ATG7: variants seen among roughly 807,000 people sequenced by gnomAD.
ATG7 encodes the protein autophagy related 7.
ATG7 carries 70 observed loss-of-function variants against 82.4 expected under a neutral mutation model. The ratio of observed to expected loss-of-function variants is 0.85; its 90% CI spans 0.70 to 1.04. The LOEUF (loss-of-function observed/expected upper bound fraction) is 1.04, where lower values mean the gene tolerates loss of function less well. ATG7 is among the 50% of genes least tolerant of loss of function. The pLI, the probability that ATG7 is intolerant of heterozygous loss-of-function variation, is 0.00. For synonymous variants in ATG7, 287 were observed against 313.0 expected (o/e 0.92, Z 0.88); for missense variants, 792 against 864.3 (o/e 0.92, Z 1.05).
intron 20 of ATG7, among the ~76,000 whole-genome samples, chr3:11,459,540 T>G (rs1020237482): frequency 3.3e-5 from 5 of 151,956 alleles, no homozygotes; most frequent in Admixed American, 3.3e-4. Context: ...ACTTAAACTC[T>G]GAGAGCTTCC....
chr3:11,476,073 AG>A (rs994737585), intron 20 of ATG7, among the ~76,000 whole-genome samples: 1 of 152,206 alleles, frequency 6.6e-6, no homozygotes, highest in African/African-American at 2.4e-5. Flanking sequence ...CCCAAGGACT[AG>A]GGTGTTTATG....
At chr3:11,430,068 C>T (rs2082733594) in intron 20 of ATG7, among the ~76,000 whole-genome samples, 1 of 151,498 alleles carries the variant, frequency 6.6e-6, no homozygotes, top group Non-Finnish European at 1.5e-5. Flanking sequence ...CAGAGATATT[C>T]TTTAGGTTAT....
At chr3:11,552,682 T>C (rs528104086) in intron 20 of ATG7, among the ~76,000 whole-genome samples, 2 of 152,256 alleles carry the variant, frequency 1.3e-5, no homozygotes, top group South Asian at 4.1e-4. Flanking sequence ...TTTTACAAAA[T>C]AATAATCCCC....
At chr3:11,522,180 G>C (rs2092459520) in intron 20 of ATG7, among the ~76,000 whole-genome samples, 1 of 152,118 alleles carries the variant, frequency 6.6e-6, no homozygotes. Context: ...GAGGAGAATT[G>C]TATGCCTTCC....
intron 19 of ATG7, among the ~76,000 whole-genome samples, chr3:11,400,406 A>G (rs2079721625): frequency 1.3e-5 from 2 of 152,212 alleles, no homozygotes; most frequent in African/African-American, 4.8e-5. Context: ...TGAAGACAAC[A>G]GAAAATAAAT....
chr3:11,301,224 C>T (rs146129542), intron 5 of ATG7, among the ~76,000 whole-genome samples: 13 of 152,142 alleles, frequency 8.5e-5, no homozygotes, highest in South Asian at 2.1e-4. Flanking sequence ...TCATTGTGGT[C>T]CTTAAGAATT....
chr3:11,337,564 C>T (rs1952742452), intron 11 of ATG7, among the ~76,000 whole-genome samples: 1 of 151,918 alleles, frequency 6.6e-6, no homozygotes, highest in Non-Finnish European at 1.5e-5. Flanking sequence ...TGGTAAATTA[C>T]ATACTATTGC....
chr3:11,331,288 T>C lies in ATG7; in HGVS notation c.679-52T>C, dbSNP rs780160802. The C allele has an allele frequency of 1.7e-5, 23 of 1,383,670 alleles. No individual in the cohort carries two copies. In the Admixed American group the frequency reaches 2.2e-4, roughly 13 times the overall value. 85.7% of individuals were successfully genotyped at this position (1,383,670 alleles called of 1,614,324 possible). On this transcript the variant is annotated intron_variant, in intron 9 of 20. Transcript: ENST00000693202. ...GAGGAAGTATGAGCAATGTCTGTAT[T>C]GTGAAGCTGACATGATACTCGACTT...
intron 19 of ATG7, among the ~76,000 whole-genome samples, chr3:11,423,468 C>T (rs913892869): frequency 6.6e-6 from 1 of 152,082 alleles, no homozygotes; most frequent in Non-Finnish European, 1.5e-5. Flanking sequence ...CCACAACTTT[C>T]AATTTTTTTT....
chr3:11,486,831 T>TGG (rs2089722630), intron 20 of ATG7, among the ~76,000 whole-genome samples: 1 of 142,788 alleles, frequency 7.0e-6, no homozygotes, highest in African/African-American at 2.6e-5. Flanking sequence ...TTTTTTTTTT[T>TGG]TTTTTTTTTA....
At chr3:11,369,787 T>G (rs1024570008) in intron 18 of ATG7, among the ~76,000 whole-genome samples, 2 of 151,162 alleles carry the variant, frequency 1.3e-5, no homozygotes, top group Admixed American at 6.6e-5. Flanking sequence ...CCTTACAGGT[T>G]GAAGGATGTC....
intron 3 of ATG7, among the ~76,000 whole-genome samples, chr3:11,292,154 A>G (rs1189656310): frequency 6.6e-6 from 1 of 152,140 alleles, no homozygotes; most frequent in Admixed American, 6.5e-5. Flanking sequence ...CATGAGGAGC[A>G]TGGGCTTCAG....
At chr3:11,296,690 C>T (rs1243070787) in intron 3 of ATG7, among the ~76,000 whole-genome samples, 1 of 152,200 alleles carries the variant, frequency 6.6e-6, no homozygotes, top group Non-Finnish European at 1.5e-5. Flanking sequence ...ACAGCACAAA[C>T]CCTCCACATG....
intron 20 of ATG7, among the ~76,000 whole-genome samples, chr3:11,537,186 G>A (rs1395543129): frequency 6.6e-6 from 1 of 152,044 alleles, no homozygotes; most frequent in African/African-American, 2.4e-5. Flanking sequence ...CTCCTGGACG[G>A]GCTGGCTCCT....
At chr3:11,332,580 G>C (rs1016056136) in intron 10 of ATG7, 1 of 153,776 alleles carries the variant, frequency 6.5e-6, no homozygotes, top group Non-Finnish European at 1.4e-5. Context: ...CTGAGGTACT[G>C]CTGCTTAATA....
At chr3:11,419,096 T>C (rs2152929165) in intron 19 of ATG7, among the ~76,000 whole-genome samples, 1 of 152,312 alleles carries the variant, frequency 6.6e-6, no homozygotes, top group Admixed American at 6.5e-5. Context: ...ACTGAAGTTT[T>C]TGAGAAATAC....
At chr3:11,276,987 A>G (rs1305438155) in intron 1 of ATG7, among the ~76,000 whole-genome samples, 1 of 151,916 alleles carries the variant, frequency 6.6e-6, no homozygotes, top group African/African-American at 2.4e-5. Flanking sequence ...CTCTCCTTTC[A>G]TTTAGTCATC....
chr3:11,548,254 G>T (rs1209982908), intron 20 of ATG7, among the ~76,000 whole-genome samples: 2 of 152,012 alleles, frequency 1.3e-5, no homozygotes, highest in Non-Finnish European at 2.9e-5. Context: ...GCCCAGGCTG[G>T]TCTCAAACTC....
intron 20 of ATG7, among the ~76,000 whole-genome samples, chr3:11,480,277 G>T (rs187468779): frequency 3.9e-5 from 6 of 152,214 alleles, no homozygotes; most frequent in Admixed American, 1.3e-4. Context: ...GCTTATGCCT[G>T]TAATGCCAGC....
Sources: gnomAD v4.1 joint callset for allele counts (sites outside exome capture counted in the v4.1 genomes callset) on GRCh38, gnomAD v4.1.1 for gene constraint, MANE v1.5 for transcripts, NCBI Gene and HGNC (gene_info 2026-07-23, HGNC 2026-07-21) for gene names.